The following NPAS1 variants were observed in gnomAD, a reference collection of about 807,000 sequenced individuals.
The protein encoded by NPAS1 is neuronal PAS domain-containing protein 1.
A neutral mutation model predicts 49.2 loss-of-function variants in NPAS1; 29 were observed. The ratio of observed to expected loss-of-function variants is 0.59; its 90% CI spans 0.44 to 0.80. NPAS1 has a LOEUF of 0.80. Ranked by LOEUF, NPAS1 falls within the 30% of genes least tolerant of loss-of-function variation. The pLI, the probability that NPAS1 is intolerant of heterozygous loss-of-function variation, is 0.00. For missense variants in NPAS1, 825 were observed against 835.5 expected (o/e 0.99, Z 0.15); for synonymous variants, 408 against 380.4 (o/e 1.07, Z -0.84).
At position 47,036,064 on chromosome 19, in the gene NPAS1, C is replaced by A; in HGVS notation, c.623C>A (p.Pro208Gln). Residue 208 changes from proline (P) to glutamine (Q), a missense_variant, in exon 6 of 12, where the codon CCA (proline) becomes CAA (glutamine). Pro to Gln is a moderately conservative substitution (Grantham distance 76). Transcript: ENST00000602212. Reference sequence around the variant, plus strand: ...CTGCGGACGCCGACGCCCGGCCCCCCAACCCCGCCCTCCGTCTCCTCTTCC... The same window carrying A: ...CTGCGGACGCCGACGCCCGGCCCCCAAACCCCGCCCTCCGTCTCCTCTTCC... The part of the protein sequence containing the change: ...LGLRTPTPGP[P>Q]TPPSVSSSSS... 6.3e-7 allele frequency: 1 copy of A among 1,598,996 alleles called. No homozygotes were observed. Among genetic ancestry groups the A allele is most frequent in the Non-Finnish European group, 8.5e-7 (1 of 1,172,946 alleles).
At chr19:47,023,586 A>T (rs1242168190) in intron 3 of NPAS1, among the ~76,000 whole-genome samples, 3 of 152,168 alleles carry the variant, frequency 2.0e-5, no homozygotes, top group Non-Finnish European at 4.4e-5. Flanking sequence ...AGCTGAGGAC[A>T]GCATTTTAGC....
At position 47,034,314 on chromosome 19, in the gene NPAS1, C is replaced by CAA. The variant is rs76817156; in HGVS notation, c.522+1600_522+1601dup. On this transcript the variant is annotated intron_variant, in intron 5 of 11. Coordinates refer to ENST00000602212, the MANE Select transcript of NPAS1 (RefSeq NM_002517.4). ...GGGCAACAAGAGCAAAACTCCGTCT[C>CAA]AAAAAAAAAAAAAAAAAAAGGGCAG... Among the ~76,000 whole-genome samples the CAA allele has an allele frequency of 4.2e-3, 386 of 92,392 alleles. 2 individuals carry two copies. Among genetic ancestry groups the CAA allele is most frequent in the Admixed American group, 0.018 (142 of 7,976 alleles). The allele number at this position is 92,392 out of a possible 152,430, so 60.6% of individuals were successfully genotyped here.
intron 3 of NPAS1, among the ~76,000 whole-genome samples, chr19:47,022,283 G>A (rs1033205348): frequency 4.6e-5 from 7 of 152,204 alleles, no homozygotes; most frequent in Non-Finnish European, 1.0e-4. Context: ...TGTACAGTCT[G>A]AGCCCCCAGT....
chr19:47,032,740 ACC>A lies in NPAS1; in HGVS notation c.522+12_522+13del. On this transcript the variant is annotated intron_variant, in intron 5 of 11. Coordinates refer to ENST00000602212, the MANE Select transcript of NPAS1 (RefSeq NM_002517.4). ...TATCTGGGTCTCTCACAGGTAAGGG[ACC>A]CCCAGTGGACCTGGATTGGCTCAGC... is the stretch of plus-strand genomic sequence containing the variant. The A allele has an allele frequency of 6.2e-7, 1 of 1,605,974 alleles. No individual in the cohort carries two copies. Among genetic ancestry groups the A allele is most frequent in the South Asian group, 1.1e-5 (1 of 90,846 alleles).
chr19:47,045,282 C>G lies in NPAS1; in HGVS notation c.1404C>G (p.Gly468=). 1 of 1,614,054 alleles carries G rather than the reference C, an allele frequency of 6.2e-7. No homozygotes were observed. Among genetic ancestry groups the G allele is most frequent in the Non-Finnish European group, 8.5e-7 (1 of 1,180,012 alleles). ...GCAAACGCATCAAAGTGGAGCCCGG[C>G]CCGAGGGAAACCAAAGGCTCCGAGG... ...TQGKRIKVEP[G]PRETKGSEDS... is the part of the protein sequence containing the mutation. The change falls in exon 12 of 12, where the codon GGC becomes GGG. Residue 468 remains glycine, a synonymous_variant. Coordinates refer to ENST00000602212, the MANE Select transcript of NPAS1 (RefSeq NM_002517.4).
Position 47,032,217 on chromosome 19 carries a change from G to A in NPAS1, c.359-61G>A. The A allele has an allele frequency of 2.7e-6, 4 of 1,493,704 alleles. No individual in the cohort carries two copies. The South Asian group carries it at 3.4e-5, about 13-fold the overall frequency. 92.5% of individuals were successfully genotyped at this position (1,493,704 alleles called of 1,614,324 possible). On this transcript the variant is annotated intron_variant, in intron 3 of 11. Transcript: ENST00000602212. ...AGGGAGGTTTGTAGACTGGCTCCCG[G>A]GGGACCTGCCCTGGGCAGGGTCAGC...
At chr19:47,028,052 C>T (rs1474653281) in intron 3 of NPAS1, among the ~76,000 whole-genome samples, 2 of 151,874 alleles carry the variant, frequency 1.3e-5, no homozygotes, top group Non-Finnish European at 2.9e-5. Flanking sequence ...GGACCGGACC[C>T]GTGTATGGGG....
chr19:47,023,032 C>T (rs1181000694), intron 3 of NPAS1, among the ~76,000 whole-genome samples: 4 of 152,220 alleles, frequency 2.6e-5, no homozygotes, highest in Admixed American at 6.5e-5. Flanking sequence ...GTTGGAGGGG[C>T]TCCAATTCCC....
Position 47,045,225 on chromosome 19 carries a change from C to G in NPAS1, c.1347C>G (p.Ala449=). ...PEPPTEGKQA[A]PAENEAPQTQ... ...CTCCGACGGAAGGGAAGCAGGCTGCCCCAGCGGAGAACGAGGCCCCCCAGA... is the reference window on the plus strand; with the variant it reads ...CTCCGACGGAAGGGAAGCAGGCTGCGCCAGCGGAGAACGAGGCCCCCCAGA... Residue 449 remains alanine, a synonymous_variant, in exon 12 of 12, where the codon GCC becomes GCG. Transcript: ENST00000602212. 6.2e-7 allele frequency: 1 copy of G among 1,613,858 alleles called. No individual in the cohort carries two copies.
chr19:47,045,315 C>T lies in NPAS1; in HGVS notation c.1437C>T (p.Gly479=), dbSNP rs199927335. 44 of 1,613,998 alleles carry T rather than the reference C, an allele frequency of 2.7e-5. No homozygotes were observed. The South Asian group carries it at 3.1e-4, about 11-fold the overall frequency. ...PRETKGSEDS[G]DEDPSSHPAT... is the part of the protein sequence containing the mutation. Reference sequence around the variant, plus strand: ...AAACCAAAGGCTCCGAGGACAGTGGCGACGAGGATCCCTCCAGCCACCCGG... The same window carrying T: ...AAACCAAAGGCTCCGAGGACAGTGGTGACGAGGATCCCTCCAGCCACCCGG... The change falls in exon 12 of 12, where the codon GGC becomes GGT. Residue 479 remains glycine (G), a synonymous_variant. Transcript: ENST00000602212.
chr19:47,026,059 C>T (rs985002083), intron 3 of NPAS1, among the ~76,000 whole-genome samples: 1 of 152,160 alleles, frequency 6.6e-6, no homozygotes, highest in Admixed American at 6.6e-5. Flanking sequence ...CCTGCCTCAG[C>T]CTCCCAAGTA....
chr19:47,023,266 AG>A (rs112343590), intron 3 of NPAS1, among the ~76,000 whole-genome samples: 47 of 151,146 alleles, frequency 3.1e-4, no homozygotes, highest in Non-Finnish European at 4.7e-4. Flanking sequence ...CCCGAGCTGA[AG>A]GGGGGGAAAG....
At chr19:47,042,742 GT>G in intron 10 of NPAS1, 67 bp from the exon 11 acceptor site, 1 of 1,350,288 alleles carries the variant, frequency 7.4e-7, no homozygotes, top group Non-Finnish European at 1.0e-6. Context: ...CACAAGTTGG[GT>G]AAAGCAGGAG....
At chr19:47,045,040 A>G (rs1224418860) in intron 11 of NPAS1, 151 bp from the exon 12 acceptor site, 3 of 824,492 alleles carry the variant, frequency 3.6e-6, no homozygotes, top group East Asian at 5.5e-5. Context: ...ACAAAAAAAC[A>G]AAAAACAAAA....
rs767327875 is a variant in NPAS1, at chr19:47,045,453, C to T, written c.1575C>T (p.His525=). The change falls in exon 12 of 12, where the codon CAC becomes CAT. Residue 525 remains histidine (H), a synonymous_variant. Transcript: ENST00000602212. ...PPGDPPPTLL[H]AGFLPPVVRG... ...GGGACCCCCCGCCCACCCTCCTGCA[C>T]GCGGGCTTCCTGCCGCCGGTGGTGC... The T allele has an allele frequency of 1.9e-6, 3 of 1,593,504 alleles. No homozygotes were observed. The highest frequency in any genetic ancestry group is 1.3e-5 in the African/African-American group (1 of 74,316).
chr19:47,034,439 T>G (rs1599906109), intron 5 of NPAS1, among the ~76,000 whole-genome samples: 1 of 152,266 alleles, frequency 6.6e-6, no homozygotes, highest in Non-Finnish European at 1.5e-5. Flanking sequence ...CTTTGATCAT[T>G]TTTACAAATA....
chr19:47,038,452 G>A (rs2056983408), intron 6 of NPAS1, among the ~76,000 whole-genome samples: 3 of 151,524 alleles, frequency 2.0e-5, no homozygotes, highest in African/African-American at 7.3e-5. Flanking sequence ...GGGAGACGGA[G>A]GTCGCAGTAG....
intron 9 of NPAS1, 196 bp downstream of exon 9, chr19:47,040,746 G>A (rs905704164): frequency 5.0e-6 from 3 of 599,016 alleles, no homozygotes; most frequent in Non-Finnish European, 8.8e-6. Flanking sequence ...TGTGGGGGGG[G>A]GGTCTGGGGG....
At chr19:47,040,737 G>A (rs991711286) in intron 9 of NPAS1, 187 bp downstream of exon 9, 16 of 592,612 alleles carry the variant, frequency 2.7e-5, no homozygotes, top group Non-Finnish European at 4.8e-5. Context: ...GGATGTGTGT[G>A]TGGGGGGGGG....
Sources: gnomAD v4.1 joint callset for allele counts (sites outside exome capture counted in the v4.1 genomes callset) on GRCh38, gnomAD v4.1.1 for gene constraint, MANE v1.5 for transcripts, NCBI Gene and HGNC (gene_info 2026-07-23, HGNC 2026-07-21) for gene names.